VWC2: variants seen among roughly 807,000 people sequenced by gnomAD.
VWC2 encodes the protein brorin.
A neutral mutation model predicts 29.8 loss-of-function variants in VWC2; 14 were observed. The observed-to-expected ratio is 0.47, with a 90% CI of 0.31 to 0.74. VWC2 has a LOEUF of 0.74. Among genes scored for constraint, VWC2 ranks in the 30% least tolerant of loss-of-function variants. The pLI, the probability that VWC2 is intolerant of heterozygous loss-of-function variation, is 0.05. For synonymous variants in VWC2, 213 were observed against 199.0 expected (o/e 1.07, Z -0.59); for missense variants, 457 against 459.8 (o/e 0.99, Z 0.05).
chr7:49,909,177 A>C (rs952455632), intron 3 of VWC2, among the ~76,000 whole-genome samples: 1 of 152,188 alleles, frequency 6.6e-6, no homozygotes, highest in African/African-American at 2.4e-5. Context: ...ATTTCTCTGG[A>C]GATGAGACCT....
chr7:49,823,416 G>C (rs1054004990), intron 3 of VWC2, among the ~76,000 whole-genome samples: 3 of 152,158 alleles, frequency 2.0e-5, no homozygotes, highest in African/African-American at 7.2e-5. Context: ...GCAGAGAAAG[G>C]CTTCAAAGTA....
chr7:49,791,294 T>A (rs1583629527), intron 2 of VWC2, among the ~76,000 whole-genome samples: 1 of 152,226 alleles, frequency 6.6e-6, no homozygotes, highest in East Asian at 1.9e-4. Flanking sequence ...GTGACAGAAC[T>A]GTGACAATGA....
chr7:49,786,656 C>T (rs1203576691), intron 2 of VWC2, among the ~76,000 whole-genome samples: 1 of 152,078 alleles, frequency 6.6e-6, no homozygotes, highest in African/African-American at 2.4e-5. Flanking sequence ...TATTTTGTGA[C>T]CTTTTAATAA....
intron 3 of VWC2, among the ~76,000 whole-genome samples, chr7:49,859,814 A>C (rs1249163975): frequency 6.8e-6 from 1 of 148,020 alleles, no homozygotes; most frequent in African/African-American, 2.7e-5. Context: ...ACACACACAC[A>C]CACACACACA....
chr7:49,849,113 C>T (rs1226991238), intron 3 of VWC2, among the ~76,000 whole-genome samples: 1 of 152,088 alleles, frequency 6.6e-6, no homozygotes, highest in Non-Finnish European at 1.5e-5. Flanking sequence ...TTTCTTATTT[C>T]TCAGAGTTTG....
chr7:49,863,034 G>A (rs1790721983), intron 3 of VWC2, among the ~76,000 whole-genome samples: 1 of 152,150 alleles, frequency 6.6e-6, no homozygotes, highest in Non-Finnish European at 1.5e-5. Context: ...GTTTGAGAAG[G>A]ATTTGTGCTA....
At chr7:49,895,808 GTTAA>G (rs1274617608) in intron 3 of VWC2, among the ~76,000 whole-genome samples, 7 of 152,028 alleles carry the variant, frequency 4.6e-5, no homozygotes, top group Non-Finnish European at 5.9e-5. Context: ...TATAATCAAT[GTTAA>G]TTAATTAAGA....
intron 3 of VWC2, among the ~76,000 whole-genome samples, chr7:49,910,097 G>A (rs895615941): frequency 3.9e-5 from 6 of 152,038 alleles, no homozygotes; most frequent in Non-Finnish European, 8.8e-5. Context: ...GGGTGACAGA[G>A]CAATACCCTG....
At chr7:49,877,394 A>C (rs1791456068) in intron 3 of VWC2, among the ~76,000 whole-genome samples, 1 of 139,994 alleles carries the variant, frequency 7.1e-6, no homozygotes, top group African/African-American at 2.7e-5. Flanking sequence ...CCTGGGAGGC[A>C]GAGGTTGCAG....
chr7:49,892,035 T>G lies in VWC2; in HGVS notation c.827-19999T>G, dbSNP rs924862388. ...TTGGCAGAACAGACAAAGTAGATTT[T>G]TTTTTTTTTTTTTTTTTTTTTTTTT... On this transcript the variant is annotated intron_variant, in intron 3 of 3. Coordinates refer to ENST00000340652, the MANE Select transcript of VWC2 (RefSeq NM_198570.5). Among the ~76,000 whole-genome samples, 470 of 109,800 alleles carry G rather than the reference T, an allele frequency of 4.3e-3. 28 individuals carry two copies. The highest frequency in any genetic ancestry group is 0.016 in the African/African-American group (434 of 27,076). 72.0% of individuals were successfully genotyped at this position (109,800 alleles called of 152,430 possible).
At chr7:49,891,920 T>G (rs1041630786) in intron 3 of VWC2, among the ~76,000 whole-genome samples, 9 of 152,012 alleles carry the variant, frequency 5.9e-5, no homozygotes, top group African/African-American at 2.2e-4. Flanking sequence ...AAAGTAAATG[T>G]CTATCAAGAG....
chr7:49,788,200 TG>T (rs1283756235), intron 2 of VWC2, among the ~76,000 whole-genome samples: 1 of 152,172 alleles, frequency 6.6e-6, no homozygotes, highest in Non-Finnish European at 1.5e-5. Context: ...AATTGGCAGC[TG>T]ATGTGTTGAA....
intron 3 of VWC2, among the ~76,000 whole-genome samples, chr7:49,815,626 T>C (rs1789122529): frequency 6.6e-6 from 1 of 152,220 alleles, no homozygotes; most frequent in Non-Finnish European, 1.5e-5. Flanking sequence ...TGAACATAAT[T>C]TAAATGGTTC....
chr7:49,788,363 C>T (rs1788348164), intron 2 of VWC2, among the ~76,000 whole-genome samples: 1 of 152,312 alleles, frequency 6.6e-6, no homozygotes, highest in South Asian at 2.1e-4. Context: ...TGGTCATCTT[C>T]ACTTCCTGCT....
intron 3 of VWC2, among the ~76,000 whole-genome samples, chr7:49,846,973 T>C (rs1465021367): frequency 6.6e-6 from 1 of 152,216 alleles, no homozygotes; most frequent in Non-Finnish European, 1.5e-5. Flanking sequence ...AATTATTCAG[T>C]GTGAGGCTGT....
chr7:49,797,462 G>A (rs1245077306), intron 2 of VWC2, among the ~76,000 whole-genome samples: 1 of 152,136 alleles, frequency 6.6e-6, no homozygotes, highest in Non-Finnish European at 1.5e-5. Context: ...CAGGTTTGAG[G>A]GTGTATCTCT....
At chr7:49,775,183 C>T (rs1788022526) in intron 1 of VWC2, 150 bp from the exon 2 acceptor site, 1 of 243,200 alleles carries the variant, frequency 4.1e-6, no homozygotes, top group Non-Finnish European at 7.8e-6. Flanking sequence ...GTCTAAGAAC[C>T]CCGGCCGTGC....
rs1162786245 is a variant in VWC2, at chr7:49,921,567, T to C, written c.*9382T>C. On this transcript the variant is annotated 3_prime_UTR_variant, in exon 4 of 4. Transcript: ENST00000340652. ...CTCATCAGTAACATGGGGAGAGTGG[T>C]ATCAACCACTAAGAGGATTAAATGA... 2 of 152,158 alleles carry C rather than the reference T, an allele frequency of 1.3e-5. No individual in the cohort carries two copies. Among genetic ancestry groups the C allele is most frequent in the African/African-American group, 4.8e-5 (2 of 41,430 alleles). 9.4% of individuals were successfully genotyped at this position (152,158 alleles called of 1,614,324 possible). A position where few individuals can be genotyped will look rare whatever the true frequency, so the allele number is the denominator to read the frequency against.
intron 3 of VWC2, among the ~76,000 whole-genome samples, chr7:49,882,866 T>C (rs1791729607): frequency 6.6e-6 from 1 of 151,838 alleles, no homozygotes; most frequent in Non-Finnish European, 1.5e-5. Context: ...TTTTTGTTTT[T>C]GTTGTTGTTG....
Sources: allele counts gnomAD v4.1 joint callset (sites outside exome capture counted in the v4.1 genomes callset), GRCh38; gene constraint gnomAD v4.1.1; transcripts MANE v1.5; gene names NCBI Gene and HGNC (gene_info 2026-07-23, HGNC 2026-07-21).